The following CDH2 variants were observed in gnomAD, a reference collection of about 807,000 sequenced individuals.
CDH2 encodes the protein cadherin-2.
Under a neutral mutation model 92.0 loss-of-function variants are expected in CDH2, and 17 were observed. That is an observed-to-expected ratio of 0.18 (90% CI 0.13 to 0.28). CDH2 has a LOEUF of 0.28. CDH2 is among the 10% of genes least tolerant of loss of function. CDH2 has a pLI of 1.00. For missense variants in CDH2, 862 were observed against 1,133.1 expected (o/e 0.76, Z 3.44); for synonymous variants, 419 against 415.9 (o/e 1.01, Z -0.09).
intron 2 of CDH2, among the ~76,000 whole-genome samples, chr18:28,097,843 T>C (rs1443236760): frequency 2.6e-5 from 4 of 152,180 alleles, no homozygotes; most frequent in Admixed American, 6.5e-5. Context: ...GAGCTAAAAA[T>C]AAGTTTTATA....
At chr18:28,066,222 A>C (rs1373001686) in intron 2 of CDH2, among the ~76,000 whole-genome samples, 1 of 152,230 alleles carries the variant, frequency 6.6e-6, no homozygotes, top group African/African-American at 2.4e-5. Flanking sequence ...GAAGAAGAAA[A>C]AAACTAGCCA....
At chr18:28,039,415 T>A (rs181938307) in intron 2 of CDH2, among the ~76,000 whole-genome samples, 40 of 152,212 alleles carry the variant, frequency 2.6e-4, no homozygotes, top group Middle Eastern at 3.4e-3. Flanking sequence ...TTCACTGATT[T>A]CGCATACAGG....
chr18:28,010,868 T>G (rs558916468), intron 4 of CDH2, among the ~76,000 whole-genome samples: 1 of 151,636 alleles, frequency 6.6e-6, no homozygotes, highest in East Asian at 1.9e-4. Flanking sequence ...GTCAGGATGG[T>G]CTTGATCTCC....
chr18:28,076,513 T>C (rs1009930332), intron 2 of CDH2, among the ~76,000 whole-genome samples: 3 of 152,190 alleles, frequency 2.0e-5, no homozygotes, highest in Admixed American at 2.0e-4. Context: ...TGCTCAATAA[T>C]TTTTTAACAT....
intron 2 of CDH2, among the ~76,000 whole-genome samples, chr18:28,027,783 T>C (rs1208066794): frequency 6.6e-6 from 1 of 152,036 alleles, no homozygotes; most frequent in East Asian, 1.9e-4. Flanking sequence ...ATGAAAACTC[T>C]TTCTTTTGAC....
chr18:27,976,259 A>T (rs1445508461), intron 14 of CDH2, among the ~76,000 whole-genome samples: 2 of 152,176 alleles, frequency 1.3e-5, no homozygotes, highest in Non-Finnish European at 2.9e-5. Context: ...TCCTTGAACC[A>T]GAACTCATGG....
At chr18:28,129,804 CAATT>C (rs1374986513) in intron 2 of CDH2, among the ~76,000 whole-genome samples, 1 of 152,044 alleles carries the variant, frequency 6.6e-6, no homozygotes, top group African/African-American at 2.4e-5. Flanking sequence ...CTCCAAAAAT[CAATT>C]AATTAATTAA....
chr18:28,129,992 G>A (rs1314952930), intron 2 of CDH2, among the ~76,000 whole-genome samples: 1 of 152,122 alleles, frequency 6.6e-6, no homozygotes, highest in East Asian at 1.9e-4. Flanking sequence ...TCCCTGCTCT[G>A]CTGCTTCCTT....
At chr18:28,138,002 T>C (rs1407560702) in intron 2 of CDH2, among the ~76,000 whole-genome samples, 1 of 151,994 alleles carries the variant, frequency 6.6e-6, no homozygotes, top group Non-Finnish European at 1.5e-5. Context: ...GACTAATTTT[T>C]GTTCATTTAA....
chr18:28,070,890 T>G (rs1337717548), intron 2 of CDH2, among the ~76,000 whole-genome samples: 1 of 152,164 alleles, frequency 6.6e-6, no homozygotes, highest in African/African-American at 2.4e-5. Flanking sequence ...TTTTACTTAT[T>G]TATTATTTAG....
downstream of CDH2, among the ~76,000 whole-genome samples, chr18:27,950,359 C>CTTACT: frequency 6.6e-6 from 1 of 152,040 alleles, no homozygotes; most frequent in South Asian, 2.1e-4. Flanking sequence ...CAGAATGAAT[C>CTTACT]ATAGTAAGAT....
At chr18:28,099,948 G>GT (rs949456192) in intron 2 of CDH2, among the ~76,000 whole-genome samples, 33 of 151,590 alleles carry the variant, frequency 2.2e-4, no homozygotes, top group South Asian at 8.3e-4. Flanking sequence ...AAAAACAGAA[G>GT]TTTTTTTTTA....
Position 28,008,448 on chromosome 18 carries a change from A to G in CDH2, c.702+1269T>C, listed in dbSNP as rs555238388. Among the ~76,000 whole-genome samples, 41 of 152,278 alleles carry G rather than the reference A, an allele frequency of 2.7e-4. 1 individual carries two copies. The South Asian group carries it at 8.3e-3, about 31-fold the overall frequency. On this transcript the variant is annotated intron_variant, in intron 5 of 15. Coordinates refer to ENST00000269141, the MANE Select transcript of CDH2 (RefSeq NM_001792.5). ...ATACTCAGTGCATAAGACATTTTAA[A>G]TTTCTCATATGCTTATTTGTCTGTT... is the stretch of plus-strand genomic sequence containing the variant.
At chr18:28,157,195 T>A (rs947213488) in intron 1 of CDH2, among the ~76,000 whole-genome samples, 1 of 152,204 alleles carries the variant, frequency 6.6e-6, no homozygotes, top group Non-Finnish European at 1.5e-5. Context: ...ATGGCTCAGA[T>A]TGATTCTGTC....
intron 2 of CDH2, among the ~76,000 whole-genome samples, chr18:28,146,912 TAATA>T (rs1220523179): frequency 1.3e-5 from 2 of 152,164 alleles, no homozygotes; most frequent in African/African-American, 2.4e-5. Context: ...TTTTGCGTAA[TAATA>T]AATAAGTCCA....
intron 2 of CDH2, among the ~76,000 whole-genome samples, chr18:28,085,926 G>C (rs1310160460): frequency 6.6e-6 from 1 of 152,054 alleles, no homozygotes; most frequent in African/African-American, 2.4e-5. Flanking sequence ...CAGGACACAG[G>C]TTATTAACTA....
rs1451079139 is a variant in CDH2 at position 28,093,781 on chromosome 18, T to C, written c.172+53892A>G. The stretch of plus-strand genomic sequence containing the variant: ...TTGAAACCTAGTAGTAACTTGTACA[T>C]GTCTTTGTCACAAAGAGAATCATAA... On this transcript the variant is annotated intron_variant, in intron 2 of 15. Transcript: ENST00000269141. Among the ~76,000 whole-genome samples, 103 of 152,354 alleles carry C rather than the reference T, an allele frequency of 6.8e-4. 1 individual carries two copies. The highest frequency in any genetic ancestry group is 2.1e-4 in the Non-Finnish European group (14 of 68,032).
intron 2 of CDH2, among the ~76,000 whole-genome samples, chr18:28,086,534 T>C (rs2014931471): frequency 6.6e-6 from 1 of 151,908 alleles, no homozygotes; most frequent in South Asian, 2.1e-4. Context: ...TTTCCTTCTG[T>C]GTGGGTCAGC....
intron 15 of CDH2, among the ~76,000 whole-genome samples, chr18:27,955,741 T>C (rs1390978758): frequency 2.1e-5 from 3 of 144,068 alleles, no homozygotes; most frequent in East Asian, 2.1e-4. Context: ...AGTTTACAAA[T>C]CTCTGTTTTC....
Sources: gnomAD v4.1 joint callset for allele counts (sites outside exome capture counted in the v4.1 genomes callset) on GRCh38, gnomAD v4.1.1 for gene constraint, MANE v1.5 for transcripts, NCBI Gene and HGNC (gene_info 2026-07-23, HGNC 2026-07-21) for gene names.